CSMD3: variants seen among roughly 807,000 people sequenced by gnomAD.
CSMD3 encodes the protein CUB and sushi domain-containing protein 3.
A neutral mutation model predicts 435.2 loss-of-function variants in CSMD3; 177 were observed. The ratio of observed to expected loss-of-function variants is 0.41; its 90% CI spans 0.36 to 0.46. CSMD3 has a LOEUF of 0.46. Among genes scored for constraint, CSMD3 ranks in the 20% least tolerant of loss-of-function variants. The probability of loss-of-function intolerance (pLI) is 0.34; values close to 1 mark genes in which losing one functional copy is unlikely to be tolerated. For missense variants in CSMD3, 4,265 were observed against 4,504.6 expected, an observed-to-expected ratio of 0.95 and a Z score of 1.52; for synonymous variants, 1,656 against 1,520.5, an observed-to-expected ratio of 1.09 and a Z score of -2.07.
intron 6 of CSMD3, among the ~76,000 whole-genome samples, chr8:112,995,485 G>T (rs1428996508): frequency 1.3e-5 from 2 of 151,244 alleles, no homozygotes; most frequent in Non-Finnish European, 1.5e-5. Flanking sequence ...TTAACGTTTC[G>T]CACCAGTTAG....
intron 42 of CSMD3, 113 bp downstream of exon 42, chr8:112,341,364 T>G: frequency 3.6e-6 from 2 of 552,348 alleles, no homozygotes; most frequent in Non-Finnish European, 5.8e-6. Context: ...TTGGCTTAAG[T>G]TTTTTTTTTT....
At chr8:112,466,900 T>A (rs1012384734) in intron 32 of CSMD3, among the ~76,000 whole-genome samples, 1 of 152,102 alleles carries the variant, frequency 6.6e-6, no homozygotes, top group African/African-American at 2.4e-5. Flanking sequence ...TTTTAAAAAA[T>A]TATAATCTTA....
chr8:112,380,298 A>C, intron 38 of CSMD3, 54 bp downstream of exon 38: 1 of 936,838 alleles, frequency 1.1e-6, no homozygotes, highest in Non-Finnish European at 1.7e-6. Context: ...AATATTTTTA[A>C]TTAATATAAA....
chr8:112,508,191 C>T (rs1270715804), intron 28 of CSMD3, among the ~76,000 whole-genome samples: 3 of 152,126 alleles, frequency 2.0e-5, no homozygotes, highest in African/African-American at 2.4e-5. Flanking sequence ...TCCACAAACA[C>T]GCTCAGGTTT....
At chr8:112,742,709 C>T (rs940932624) in intron 13 of CSMD3, among the ~76,000 whole-genome samples, 1 of 151,798 alleles carries the variant, frequency 6.6e-6, no homozygotes, top group African/African-American at 2.4e-5. Flanking sequence ...AAAAATATCC[C>T]ATAGCTGTAC....
At position 112,231,550 on chromosome 8, in the gene CSMD3, C is replaced by T. The variant is rs2129891201; in HGVS notation, c.10823G>A (p.Arg3608Lys). 1 of 1,591,590 alleles carries T rather than the reference C, an allele frequency of 6.3e-7. No homozygotes were observed. The highest frequency in any genetic ancestry group is 8.6e-7 in the Non-Finnish European group (1 of 1,159,760). Residue 3608 changes from arginine (R) to lysine (K), a missense_variant, in exon 69 of 71, where the codon AGA (arginine) becomes AAA (lysine). Arg to Lys is a conservative substitution (Grantham distance 26). Around this residue, in one of 3 missense-constraint regions of CSMD3, gnomAD observed 3,255 missense variants for 3,380.2 expected, o/e 0.96. Coordinates refer to ENST00000297405, the MANE Select transcript of CSMD3 (RefSeq NM_198123.2). Reference protein sequence around the residue: ...GKDYGQFGLQRLGLNMSEGSN... With the variant: ...GKDYGQFGLQKLGLNMSEGSN... ...AATCAAAATGAATACATTACCCAGT[C>T]TTTGTAGGCCAAATTGTCCATAATC...
In CSMD3 at chr8:112,499,818, C is replaced by T. The variant is rs921906294; in HGVS notation, c.5083+3972G>A. Among the ~76,000 whole-genome samples the T allele has an allele frequency of 6.8e-5, 7 of 102,220 alleles. No individual in the cohort carries two copies. In the East Asian group the frequency reaches 8.5e-4, roughly 12 times the overall value. 67.1% of individuals were successfully genotyped at this position (102,220 alleles called of 152,430 possible). On this transcript the variant is annotated intron_variant, in intron 30 of 70. Transcript: ENST00000297405. ...ATGTGTAGATCCAAGAGAAAAAATG[C>T]GAATTAATAAGCAGTATTGGCCAGG...
chr8:112,736,676 A>T (rs1468114875), intron 13 of CSMD3, among the ~76,000 whole-genome samples: 1 of 151,898 alleles, frequency 6.6e-6, no homozygotes, highest in Non-Finnish European at 1.5e-5. Context: ...TTGTAATTCC[A>T]TGTTTGTGTA....
intron 2 of CSMD3, among the ~76,000 whole-genome samples, chr8:113,308,442 G>T (rs1285450411): frequency 2.0e-5 from 3 of 151,332 alleles, no homozygotes; most frequent in African/African-American, 4.9e-5. Context: ...CTGATTTTTT[G>T]TATTTTTAGT....
At chr8:112,779,741 T>C (rs903846998) in intron 13 of CSMD3, among the ~76,000 whole-genome samples, 1 of 152,054 alleles carries the variant, frequency 6.6e-6, no homozygotes, top group African/African-American at 2.4e-5. Context: ...AATTCTAAAT[T>C]TTATTCTAAA....
At chr8:113,002,821 T>C (rs999660456) in intron 6 of CSMD3, among the ~76,000 whole-genome samples, 2 of 152,194 alleles carry the variant, frequency 1.3e-5, no homozygotes, top group Admixed American at 1.3e-4. Flanking sequence ...TCTAACACAA[T>C]TGACCTTTGT....
chr8:113,030,422 A>AAAAG lies in CSMD3; in HGVS notation c.918-11244_918-11243insCTTT, dbSNP rs1472118471. The stretch of plus-strand genomic sequence containing the variant: ...CCAAAACACTTTGGTACTGGTAAAA[A>AAAAG]AAAAAAAAAAAAAAAAAAAAAAAGA... On this transcript the variant is annotated intron_variant, in intron 5 of 70. Coordinates refer to ENST00000297405, the MANE Select transcript of CSMD3 (RefSeq NM_198123.2). 9.7e-3 allele frequency among the ~76,000 whole-genome samples: 1,234 copies of AAAAG among 127,626 alleles called. 104 individuals are homozygous for AAAAG. Among genetic ancestry groups the AAAAG allele is most frequent in the African/African-American group, 0.034 (1,071 of 31,570 alleles). The allele number at this position is 127,626 out of a possible 152,430, so 83.7% of individuals were successfully genotyped here.
chr8:113,242,910 A>C (rs748383606), intron 3 of CSMD3, among the ~76,000 whole-genome samples: 28 of 151,996 alleles, frequency 1.8e-4, no homozygotes, highest in Non-Finnish European at 3.4e-4. Context: ...AATGAATGTA[A>C]AGGTTTCTGG....
intron 59 of CSMD3, among the ~76,000 whole-genome samples, chr8:112,277,210 T>C (rs1325184901): frequency 6.6e-6 from 1 of 152,220 alleles, no homozygotes; most frequent in Non-Finnish European, 1.5e-5. Flanking sequence ...TAAAACTGAA[T>C]GCTTTTTAAC....
intron 7 of CSMD3, among the ~76,000 whole-genome samples, chr8:112,963,825 C>T (rs532534386): frequency 2.3e-3 from 350 of 151,990 alleles, no homozygotes; most frequent in African/African-American, 8.1e-3. Context: ...AGTGTTAAAT[C>T]AAACTGTATA....
intron 11 of CSMD3, among the ~76,000 whole-genome samples, chr8:112,856,194 A>G (rs2080653497): frequency 6.6e-6 from 1 of 151,932 alleles, no homozygotes; most frequent in Admixed American, 6.6e-5. Context: ...ATTAAAGGAA[A>G]CATTCCCTTA....
At chr8:112,685,271 C>A in intron 15 of CSMD3, 135 bp downstream of exon 15, 3 of 684,794 alleles carry the variant, frequency 4.4e-6, no homozygotes, top group Non-Finnish European at 7.4e-6. Context: ...AAATGACCAT[C>A]CTTGGCACAA....
At chr8:113,388,715 G>T (rs996255841) in intron 1 of CSMD3, among the ~76,000 whole-genome samples, 18 of 151,468 alleles carry the variant, frequency 1.2e-4, no homozygotes, top group Non-Finnish European at 8.9e-5. Flanking sequence ...CAGTTGCTAA[G>T]GTTCTTAATT....
chr8:112,737,732 CAACAT>C (rs932781617), intron 13 of CSMD3, among the ~76,000 whole-genome samples: 15 of 151,800 alleles, frequency 9.9e-5, no homozygotes, highest in Middle Eastern at 3.2e-3. Context: ...CAAATCTGGA[CAACAT>C]AACAGCTGAC....
Sources: gnomAD v4.1 joint callset for allele counts (sites outside exome capture counted in the v4.1 genomes callset) on GRCh38, gnomAD v4.1.1 for gene constraint, gnomAD v4.1.1 regional missense constraint, MANE v1.5 for transcripts, NCBI Gene and HGNC (gene_info 2026-07-23, HGNC 2026-07-21) for gene names.